Variants in LSM14B observed in about 807,000 individuals in gnomAD.
LSM14B encodes the protein protein LSM14 homolog B.
A neutral mutation model predicts 42.1 loss-of-function variants in LSM14B; 8 were observed. The observed-to-expected ratio is 0.19, with a 90% CI of 0.11 to 0.34. The LOEUF (loss-of-function observed/expected upper bound fraction) is 0.34. Among genes scored for constraint, LSM14B ranks in the 10% least tolerant of loss-of-function variants. The probability of loss-of-function intolerance (pLI) is 1.00; values close to 1 mark genes in which losing one functional copy is unlikely to be tolerated. For missense variants in LSM14B, 396 were observed against 513.1 expected (o/e 0.77, Z 2.21); for synonymous variants, 219 against 209.7 (o/e 1.04, Z -0.38).
At chr20:62,124,967 G>A (rs1207890706) in intron 2 of LSM14B, among the ~76,000 whole-genome samples, 187 bp downstream of exon 2, 3 of 152,018 alleles carry the variant, frequency 2.0e-5, no homozygotes, top group Non-Finnish European at 4.4e-5. Context: ...TGCAACTTTG[G>A]CTTCCCAGGT....
At chr20:62,129,022 G>A (rs1472869347) in intron 3 of LSM14B, 1 of 1,301,692 alleles carries the variant, frequency 7.7e-7, no homozygotes. Flanking sequence ...AAAGGGAGGA[G>A]ATGGAGAGAG....
Position 62,129,909 on chromosome 20 carries a change from G to A in LSM14B, c.552G>A (p.Gln184=). 6.2e-7 allele frequency: 1 copy of A among 1,613,508 alleles called. No individual in the cohort carries two copies. The highest frequency in any genetic ancestry group is 1.1e-5 in the South Asian group (1 of 91,052). The change falls in exon 4 of 9, where the codon CAG becomes CAA. Residue 184 remains glutamine (Q), a synonymous_variant. Transcript: ENST00000279068. ...CTGGCAAGGGCACCACAGGGACGCA[G>A]CTCAACGGTCGTCAGGCCCAGCCGA... ...LLPGKGTTGT[Q]LNGRQAQPSS...
rs2145628767 is a variant in LSM14B, at chr20:62,130,454, G to A, written c.674-76G>A. On this transcript the variant is annotated intron_variant, in intron 5 of 8. Coordinates refer to ENST00000279068, the MANE Select transcript of LSM14B (RefSeq NM_144703.3). The surrounding 1 kb of genome is among the most constrained non-coding windows in gnomAD (Gnocchi z 4.1). ...CTTCTGTGGCCTTGGGGGTGTGCCT[G>A]GAAATTCCTTGTGAGGTGTTTGAGA... is the stretch of plus-strand genomic sequence containing the variant. 2 of 1,569,554 alleles carry A rather than the reference G, an allele frequency of 1.3e-6. No homozygotes were observed. The highest frequency in any genetic ancestry group is 1.9e-5 in the Admixed American group (1 of 53,696).
Position 62,124,672 on chromosome 20 carries a change from G to C in LSM14B, c.183G>C (p.Glu61Asp), listed in dbSNP as rs763403119. The C allele has an allele frequency of 3.1e-6, 5 of 1,613,968 alleles. No individual in the cohort carries two copies. Among genetic ancestry groups the C allele is most frequent in the Non-Finnish European group, 4.2e-6 (5 of 1,179,888 alleles). The part of the protein sequence containing the change: ...RPTDRPAPPR[E>D]EIYEYIIFRG... ...CAGATAGGCCTGCGCCCCCCAGAGA[G>C]GAGATTTATGAGTACATCATTTTCC... is the stretch of plus-strand genomic sequence containing the variant. Residue 61 changes from glutamate (E) to aspartate (D), a missense_variant, in exon 2 of 9, where the codon GAG becomes GAC. Physicochemically the swap from Glu to Asp is conservative, Grantham distance 45 (BLOSUM62 2). Coordinates refer to ENST00000279068, the MANE Select transcript of LSM14B (RefSeq NM_144703.3).
At chr20:62,126,540 C>T (rs977491657) in intron 3 of LSM14B, 101 bp downstream of exon 3, 14 of 1,447,474 alleles carry the variant, frequency 9.7e-6, no homozygotes, top group African/African-American at 8.4e-5. Context: ...CTGTCATGCT[C>T]AGCTTGTAGA....
At chr20:62,129,094 C>G in intron 3 of LSM14B, 1 of 1,023,812 alleles carries the variant, frequency 9.8e-7, no homozygotes, top group Non-Finnish European at 1.4e-6. Flanking sequence ...GGTTCATCCC[C>G]TGTGCGTGGG....
Position 62,126,353 on chromosome 20 carries a change from A to G in LSM14B, c.341A>G (p.Tyr114Cys), listed in dbSNP as rs1277672909. The change falls in exon 3 of 9, where the codon TAC (tyrosine) becomes TGC (cysteine). Residue 114 changes from tyrosine (Y) to cysteine (C), a missense_variant. Physicochemically the swap from Tyr to Cys is radical, Grantham distance 194 (BLOSUM62 -2). Around this residue, in one of 3 missense-constraint regions of LSM14B, gnomAD observed 274 missense variants for 335.8 expected, o/e 0.82. Transcript: ENST00000279068. ...TCGCCCTTCCAGCCGCACGTGCCTT[A>G]CAGCCCTTTCCGAGGGATGGCGCCC... is the stretch of plus-strand genomic sequence containing the variant. ...SASPFQPHVP[Y>C]SPFRGMAPYG... 3.1e-6 allele frequency: 5 copies of G among 1,613,522 alleles called. No homozygotes were observed. The African/African-American group carries it at 6.7e-5, about 22-fold the overall frequency.
At chr20:62,131,880 T>C (rs1330167600) in intron 7 of LSM14B, among the ~76,000 whole-genome samples, 1 of 152,252 alleles carries the variant, frequency 6.6e-6, no homozygotes, top group African/African-American at 2.4e-5. Flanking sequence ...GCCTGAGGTA[T>C]GGCTAGAACG....
rs905000928 is a variant in LSM14B at position 62,134,195 on chromosome 20, T to C, written c.*47T>C. ...CTGAAGTGGCGCATAACTGACGCTG[T>C]GTGTGTCAGGACGCGAGGAAAACGC... On this transcript the variant is annotated 3_prime_UTR_variant, in exon 9 of 9. Transcript: ENST00000279068. 1 of 470,284 alleles carries C rather than the reference T, an allele frequency of 2.1e-6. No individual in the cohort carries two copies. Among genetic ancestry groups the C allele is most frequent in the African/African-American group, 2.0e-5 (1 of 50,086 alleles). 29.1% of individuals were successfully genotyped at this position (470,284 alleles called of 1,614,324 possible). A position where few individuals can be genotyped will look rare whatever the true frequency, so the allele number is the denominator to read the frequency against.
chr20:62,124,655 C>T lies in LSM14B; in HGVS notation c.166C>T (p.Pro56Ser). The stretch of plus-strand genomic sequence containing the variant: ...CACTGAAGACCGTCCCACAGATAGG[C>T]CTGCGCCCCCCAGAGAGGAGATTTA... ...FGTEDRPTDRPAPPREEIYEY... is the reference protein window; with the variant it reads ...FGTEDRPTDRSAPPREEIYEY... The change falls in exon 2 of 9, where the codon CCT becomes TCT. Residue 56 changes from proline (P) to serine (S), a missense_variant. By Grantham distance (74) the Pro-to-Ser change is moderately conservative. Transcript: ENST00000279068. 7 of 1,613,944 alleles carry T rather than the reference C, an allele frequency of 4.3e-6. No homozygotes were observed. The highest frequency in any genetic ancestry group is 5.1e-6 in the Non-Finnish European group (6 of 1,179,878).
chr20:62,127,982 C>T, intron 3 of LSM14B: 1 of 619,978 alleles, frequency 1.6e-6, no homozygotes, highest in Non-Finnish European at 2.9e-6. Flanking sequence ...CTTCACTGTT[C>T]ACAGAAAGTC....
chr20:62,123,034 C>A, intron 1 of LSM14B: 2 of 225,730 alleles, frequency 8.9e-6, no homozygotes, highest in Non-Finnish European at 8.5e-6. Context: ...TCTCCCTGGG[C>A]TCCCAGGGCG....
chr20:62,128,950 G>T, intron 3 of LSM14B: 1 of 1,303,942 alleles, frequency 7.7e-7, no homozygotes, highest in Non-Finnish European at 1.0e-6. Context: ...TCAGATCTCT[G>T]TTCACTTACA....
At chr20:62,124,117 C>T (rs199525947) in intron 1 of LSM14B, among the ~76,000 whole-genome samples, 2 of 152,222 alleles carry the variant, frequency 1.3e-5, no homozygotes, top group East Asian at 3.8e-4. Context: ...GGGACCCTGT[C>T]TCCCTTTGTT....
Position 62,126,382 on chromosome 20 carries a change from G to T in LSM14B, c.370G>T (p.Gly124Cys). ...YSPFRGMAPY[G>C]PLAASSLLSQ... ...CCCTTTCCGAGGGATGGCGCCCTAC[G>T]GCCCGCTGGCGGCCAGCTCCCTGCT... is the stretch of plus-strand genomic sequence containing the variant. The change falls in exon 3 of 9, where the codon GGC becomes TGC. Residue 124 changes from glycine (G) to cysteine (C), a missense_variant. Gly to Cys is a radical substitution (Grantham distance 159). Around this residue, in one of 3 missense-constraint regions of LSM14B, gnomAD observed 274 missense variants for 335.8 expected, o/e 0.82. Transcript: ENST00000279068. 6.2e-7 allele frequency: 1 copy of T among 1,612,416 alleles called. No homozygotes were observed.
intron 7 of LSM14B, among the ~76,000 whole-genome samples, 160 bp from the exon 8 acceptor site, chr20:62,133,130 G>A (rs1242789306): frequency 3.3e-5 from 5 of 152,206 alleles, no homozygotes; most frequent in Non-Finnish European, 7.3e-5. Flanking sequence ...GGGAGCACCT[G>A]CAGTGCCGGA....
At chr20:62,132,065 C>T (rs796782571) in intron 7 of LSM14B, among the ~76,000 whole-genome samples, 9 of 152,350 alleles carry the variant, frequency 5.9e-5, no homozygotes, top group South Asian at 4.1e-4. Flanking sequence ...GCAGATTGAG[C>T]GCCAGACATG....
At position 62,130,079 on chromosome 20, in the gene LSM14B, G is replaced by A; in HGVS notation, c.595+127G>A. The A allele has an allele frequency of 1.4e-6, 2 of 1,418,288 alleles. No individual in the cohort carries two copies. Among genetic ancestry groups the A allele is most frequent in the Non-Finnish European group, 1.9e-6 (2 of 1,058,292 alleles). 87.9% of individuals were successfully genotyped at this position (1,418,288 alleles called of 1,614,324 possible). A position where few individuals can be genotyped will look rare whatever the true frequency, so the allele number is the denominator to read the frequency against. On this transcript the variant is annotated intron_variant, in intron 4 of 8. Coordinates refer to ENST00000279068, the MANE Select transcript of LSM14B (RefSeq NM_144703.3). The surrounding 1 kb of genome is among the most constrained non-coding windows in gnomAD (Gnocchi z 4.1). The stretch of plus-strand genomic sequence containing the variant: ...CCCATCCTAAGCCCCATGTGCTTTT[G>A]CAGGGCAGGCCTGTGCAGCAGCCTC...
rs575742906 is a variant in LSM14B at position 62,130,069 on chromosome 20, A to T, written c.595+117A>T. On this transcript the variant is annotated intron_variant, in intron 4 of 8. Transcript: ENST00000279068. This position sits in a 1 kb window ranked among gnomAD's most constrained non-coding sequence, Gnocchi z 4.1. ...ATACTACTCCCCCATCCTAAGCCCC[A>T]TGTGCTTTTGCAGGGCAGGCCTGTG... is the stretch of plus-strand genomic sequence containing the variant. 84 of 1,419,520 alleles carry T rather than the reference A, an allele frequency of 5.9e-5. No individual in the cohort carries two copies. The highest frequency in any genetic ancestry group is 1.2e-4 in the Admixed American group (5 of 40,130). The allele number at this position is 1,419,520 out of a possible 1,614,324, so 87.9% of individuals were successfully genotyped here.
Sources: allele counts gnomAD v4.1 joint callset (sites outside exome capture counted in the v4.1 genomes callset), GRCh38; gene constraint gnomAD v4.1.1; regional missense constraint gnomAD v4.1.1; non-coding constraint Gnocchi (gnomAD v3.1); transcripts MANE v1.5; gene names NCBI Gene and HGNC (gene_info 2026-07-23, HGNC 2026-07-21).